The following HECW2 variants were observed in gnomAD, a reference collection of about 807,000 sequenced individuals.
The protein encoded by HECW2 is E3 ubiquitin-protein ligase HECW2.
A neutral mutation model predicts 175.2 loss-of-function variants in HECW2; 61 were observed. That is an observed-to-expected ratio of 0.35 (90% CI 0.28 to 0.43). The LOEUF (loss-of-function observed/expected upper bound fraction) is 0.43. HECW2 is among the 20% of genes least tolerant of loss of function. HECW2 has a pLI of 1.00. For missense variants in HECW2, 1,524 were observed against 2,000.5 expected, an observed-to-expected ratio of 0.76 and a Z score of 4.54; for synonymous variants, 671 against 731.0, an observed-to-expected ratio of 0.92 and a Z score of 1.32.
chr2:196,413,720 AT>A (rs1695178061), intron 2 of HECW2, among the ~76,000 whole-genome samples: 1 of 152,186 alleles, frequency 6.6e-6, no homozygotes. Context: ...CTATAAAAAT[AT>A]TATCATGGAT....
chr2:196,549,039 C>T (rs13404764), intron 1 of HECW2, among the ~76,000 whole-genome samples: 5,338 of 152,170 alleles, frequency 0.035, 310 homozygotes, highest in African/African-American at 0.12. Flanking sequence ...ATGAACTTTG[C>T]GGGGGACACA....
chr2:196,589,441 G>T (rs1691102509), intron 1 of HECW2, among the ~76,000 whole-genome samples: 1 of 152,118 alleles, frequency 6.6e-6, no homozygotes, highest in African/African-American at 2.4e-5. Context: ...CCAAACCCTT[G>T]CCAGGTCACC....
chr2:196,490,933 G>A (rs768311571), intron 1 of HECW2, among the ~76,000 whole-genome samples: 10 of 152,232 alleles, frequency 6.6e-5, no homozygotes, highest in South Asian at 6.2e-4. Context: ...AAGTAGATTC[G>A]TAGTTGTTTG....
chr2:196,257,769 T>A (rs6731238), intron 18 of HECW2, 54 bp downstream of exon 18: 8 of 1,201,666 alleles, frequency 6.7e-6, no homozygotes. Flanking sequence ...CAATGTTCCA[T>A]GATATCTGAT....
At chr2:196,238,653 T>A (rs1187468448) in intron 21 of HECW2, 1 of 152,150 alleles carries the variant, frequency 6.6e-6, no homozygotes, top group Admixed American at 6.5e-5. Flanking sequence ...ATTAAGAAAT[T>A]GTCCCTGCTA....
In HECW2 at chr2:196,560,119, T is replaced by C. The variant is rs922755660; in HGVS notation, c.-36+33389A>G. Among the ~76,000 whole-genome samples, 3 of 152,158 alleles carry C rather than the reference T, an allele frequency of 2.0e-5. No individual in the cohort carries two copies. In the East Asian group the frequency reaches 5.8e-4, roughly 29 times the overall value. ...TAGGGCCTGAGAGTCTGTATTTCTA[T>C]GAAGCACCCTGATGATGTTGCTGCT... On this transcript the variant is annotated intron_variant, in intron 1 of 28. Transcript: ENST00000644978.
At chr2:196,554,548 C>G (rs1341742648) in intron 1 of HECW2, among the ~76,000 whole-genome samples, 1 of 152,186 alleles carries the variant, frequency 6.6e-6, no homozygotes, top group Non-Finnish European at 1.5e-5. Flanking sequence ...GATGGTCAAA[C>G]AGCAGAATTT....
intron 17 of HECW2, chr2:196,263,106 C>T (rs9288260): frequency 0.22 from 34,034 of 151,610 alleles, 5,980 homozygotes; most frequent in African/African-American, 0.48. Flanking sequence ...AAACAGAATC[C>T]ACTGGAGAGA....
At chr2:196,208,318 T>C (rs1207533481) in intron 28 of HECW2, among the ~76,000 whole-genome samples, 1 of 152,260 alleles carries the variant, frequency 6.6e-6, no homozygotes, top group Non-Finnish European at 1.5e-5. Context: ...GTCTGGATTA[T>C]GATTTTGGAA....
intron 2 of HECW2, among the ~76,000 whole-genome samples, chr2:196,367,743 G>A (rs77051295): frequency 6.6e-6 from 1 of 152,072 alleles, no homozygotes; most frequent in Non-Finnish European, 1.5e-5. Flanking sequence ...AACATGCGAA[G>A]TGTGTCTTTC....
At chr2:196,501,632 A>G (rs6756802) in intron 1 of HECW2, among the ~76,000 whole-genome samples, 8,217 of 152,192 alleles carry the variant, frequency 0.054, 753 homozygotes, top group African/African-American at 0.19. Flanking sequence ...TTGCAATTAC[A>G]TTTATGACAG....
intron 2 of HECW2, among the ~76,000 whole-genome samples, chr2:196,399,267 TTA>T (rs1491504870): frequency 1.5e-4 from 13 of 86,486 alleles, no homozygotes; most frequent in Admixed American, 1.0e-3. Flanking sequence ...TCAAGTTACA[TTA>T]AGTTATTCAA....
chr2:196,547,768 G>A (rs1160328396), intron 1 of HECW2, among the ~76,000 whole-genome samples: 1 of 152,210 alleles, frequency 6.6e-6, no homozygotes, highest in African/African-American at 2.4e-5. Flanking sequence ...CTCCCAGTCA[G>A]CAGGAAGGAA....
intron 2 of HECW2, among the ~76,000 whole-genome samples, chr2:196,421,890 C>T (rs11674328): frequency 0.12 from 18,595 of 152,052 alleles, 1,461 homozygotes; most frequent in Non-Finnish European, 0.17. Context: ...ATGCAATTTT[C>T]GAAAACCCAT....
intron 1 of HECW2, among the ~76,000 whole-genome samples, chr2:196,448,237 A>T (rs1696243374): frequency 1.3e-5 from 2 of 152,166 alleles, no homozygotes; most frequent in Non-Finnish European, 2.9e-5. Flanking sequence ...TTGGCTTCCC[A>T]ATCAATGTAA....
intron 1 of HECW2, among the ~76,000 whole-genome samples, chr2:196,559,466 C>T (rs775740640): frequency 1.3e-5 from 2 of 152,168 alleles, no homozygotes; most frequent in Non-Finnish European, 2.9e-5. Flanking sequence ...TTGAAGCTAA[C>T]GTTGGGCTAA....
At chr2:196,455,561 T>C (rs1054111124) in intron 1 of HECW2, among the ~76,000 whole-genome samples, 8 of 152,222 alleles carry the variant, frequency 5.3e-5, no homozygotes, top group Non-Finnish European at 8.8e-5. Context: ...TAAAATGTTG[T>C]AATTCAGACA....
At chr2:196,234,414 A>C (rs1393184868) in intron 21 of HECW2, among the ~76,000 whole-genome samples, 1 of 152,104 alleles carries the variant, frequency 6.6e-6, no homozygotes, top group East Asian at 1.9e-4. Flanking sequence ...CAGCCTCCCA[A>C]GTATCTAGGA....
At chr2:196,264,209 T>C (rs1246849142) in intron 17 of HECW2, 3 of 152,208 alleles carry the variant, frequency 2.0e-5, no homozygotes, top group Admixed American at 6.5e-5. Context: ...AAATAACTCA[T>C]TGTTCTCTGT....
Sources: gnomAD v4.1 joint callset for allele counts (sites outside exome capture counted in the v4.1 genomes callset) on GRCh38, gnomAD v4.1.1 for gene constraint, MANE v1.5 for transcripts, NCBI Gene and HGNC (gene_info 2026-07-23, HGNC 2026-07-21) for gene names.